Variants in ADAMTS17 observed in about 807,000 individuals in gnomAD.
ADAMTS17 encodes ADAM metallopeptidase with thrombospondin type 1 motif 17.
A neutral mutation model predicts 141.5 loss-of-function variants in ADAMTS17; 113 were observed. The ratio of observed to expected loss-of-function variants is 0.80; its 90% CI spans 0.69 to 0.93. The LOEUF (loss-of-function observed/expected upper bound fraction) is 0.93. Ranked by LOEUF, ADAMTS17 falls within the 40% of genes least tolerant of loss-of-function variation. The probability of loss-of-function intolerance (pLI) is 0.00; values close to 1 mark genes in which losing one functional copy is unlikely to be tolerated. For missense variants in ADAMTS17, 1,659 were observed against 1,517.9 expected (o/e 1.09, Z -1.54); for synonymous variants, 768 against 630.6 (o/e 1.22, Z -3.27).
chr15:100,190,607 C>T (rs2040880168), intron 8 of ADAMTS17, among the ~76,000 whole-genome samples: 2 of 152,184 alleles, frequency 1.3e-5, no homozygotes, highest in South Asian at 2.1e-4. Context: ...GGAGGAACCC[C>T]AAGAGGGGCA....
chr15:100,121,022 GAAGTT>G (rs2037424946), intron 12 of ADAMTS17, among the ~76,000 whole-genome samples: 1 of 152,160 alleles, frequency 6.6e-6, no homozygotes, highest in Non-Finnish European at 1.5e-5. Flanking sequence ...TAAAGATATG[GAAGTT>G]AAGAAAACAA....
intron 8 of ADAMTS17, among the ~76,000 whole-genome samples, chr15:100,162,364 T>C (rs1466842454): frequency 1.4e-5 from 2 of 147,966 alleles, no homozygotes; most frequent in East Asian, 3.9e-4. Context: ...TATAACTATA[T>C]AGTTATATAT....
At chr15:100,128,236 C>G (rs913756471) in intron 12 of ADAMTS17, 5 of 152,148 alleles carry the variant, frequency 3.3e-5, no homozygotes, top group African/African-American at 1.2e-4. Flanking sequence ...TGTGGGTAGG[C>G]AGGGATTTTA....
At chr15:100,192,807 T>C (rs1212759880) in intron 8 of ADAMTS17, among the ~76,000 whole-genome samples, 1 of 152,244 alleles carries the variant, frequency 6.6e-6, no homozygotes, top group Non-Finnish European at 1.5e-5. Flanking sequence ...TTTCTTTTCA[T>C]TTGAACCATG....
intron 20 of ADAMTS17, among the ~76,000 whole-genome samples, chr15:99,992,679 G>C (rs1159849666): frequency 1.3e-5 from 2 of 152,156 alleles, no homozygotes; most frequent in Non-Finnish European, 2.9e-5. Context: ...GAATGGAAGT[G>C]ATGTTTGCCC....
At position 99,974,304 on chromosome 15, in the gene ADAMTS17, G is replaced by A. The variant is rs2060272876; in HGVS notation, c.*98C>T. 1 of 1,516,684 alleles carries A rather than the reference G, an allele frequency of 6.6e-7. No individual in the cohort carries two copies. The highest frequency in any genetic ancestry group is 1.4e-5 in the African/African-American group (1 of 73,096). 94.0% of individuals were successfully genotyped at this position (1,516,684 alleles called of 1,614,324 possible). A position where few individuals can be genotyped will look rare whatever the true frequency, so the allele number is the denominator to read the frequency against. On this transcript the variant is annotated 3_prime_UTR_variant, in exon 22 of 22. Transcript: ENST00000268070. ...ATGTTCTATGTAGTTGGATTCTTGT[G>A]GCAGCCGGGTGGGGGCGTGGCCACA...
At chr15:100,196,063 A>C (rs1349486995) in intron 8 of ADAMTS17, among the ~76,000 whole-genome samples, 1 of 152,238 alleles carries the variant, frequency 6.6e-6, no homozygotes, top group Non-Finnish European at 1.5e-5. Flanking sequence ...AATAAACAAG[A>C]GCTCTGACCT....
Position 100,013,596 on chromosome 15 carries a change from G to A in ADAMTS17, c.2592-16007C>T, listed in dbSNP as rs146298322. 1.9e-3 allele frequency among the ~76,000 whole-genome samples: 286 copies of A among 152,268 alleles called. 2 individuals are homozygous for A. The highest frequency in any genetic ancestry group is 3.9e-3 in the African/African-American group (160 of 41,540). ...TTGCTGAAAGTTTTAATCATAAAGC[G>A]ATGCGGGATTTTGTCAAATGCTTTC... On this transcript the variant is annotated intron_variant, in intron 18 of 21. Coordinates refer to ENST00000268070, the MANE Select transcript of ADAMTS17 (RefSeq NM_139057.4).
intron 7 of ADAMTS17, among the ~76,000 whole-genome samples, chr15:100,226,067 G>C (rs538008574): frequency 6.9e-6 from 1 of 145,796 alleles, no homozygotes; most frequent in Non-Finnish European, 1.5e-5. Flanking sequence ...CAGCAGTCAC[G>C]GTCTCTGTGC....
At chr15:100,180,821 T>C (rs1255335866) in intron 8 of ADAMTS17, among the ~76,000 whole-genome samples, 1 of 152,198 alleles carries the variant, frequency 6.6e-6, no homozygotes, top group Non-Finnish European at 1.5e-5. Flanking sequence ...ACTACCTAGA[T>C]ACTGCCTATG....
intron 3 of ADAMTS17, among the ~76,000 whole-genome samples, chr15:100,317,649 G>T (rs1442742850): frequency 6.6e-6 from 1 of 151,820 alleles, no homozygotes; most frequent in Non-Finnish European, 1.5e-5. Context: ...TGAGCATTTT[G>T]GGGGGGACAA....
At chr15:99,992,129 T>C (rs2141325026) in intron 20 of ADAMTS17, among the ~76,000 whole-genome samples, 2 of 152,114 alleles carry the variant, frequency 1.3e-5, no homozygotes, top group East Asian at 3.9e-4. Context: ...CCATGACACA[T>C]GTATACCTGT....
chr15:100,310,716 C>A (rs1049216269), intron 3 of ADAMTS17, among the ~76,000 whole-genome samples: 4 of 152,194 alleles, frequency 2.6e-5, no homozygotes, highest in Admixed American at 2.6e-4. Flanking sequence ...TGGGTGGGAA[C>A]ACTCCCGGCT....
intron 14 of ADAMTS17, among the ~76,000 whole-genome samples, chr15:100,099,865 TGAG>T (rs1365871656): frequency 9.9e-5 from 15 of 152,184 alleles, no homozygotes; most frequent in Non-Finnish European, 2.1e-4. Context: ...ATCCGTGTGC[TGAG>T]GAGGGCACAG....
intron 12 of ADAMTS17, among the ~76,000 whole-genome samples, chr15:100,127,675 G>A (rs543447920): frequency 8.5e-5 from 13 of 152,288 alleles, no homozygotes; most frequent in African/African-American, 2.9e-4. Context: ...TGCACCTCCC[G>A]GGTACAAGCG....
chr15:100,079,111 G>A (rs2034567401), intron 15 of ADAMTS17, among the ~76,000 whole-genome samples: 2 of 152,206 alleles, frequency 1.3e-5, no homozygotes, highest in South Asian at 2.1e-4. Flanking sequence ...TACCAGAAAC[G>A]TAAAGTGGTG....
chr15:100,176,337 C>T (rs2141497921), intron 8 of ADAMTS17, among the ~76,000 whole-genome samples: 1 of 152,232 alleles, frequency 6.6e-6, no homozygotes, highest in Admixed American at 6.5e-5. Context: ...CACAGGTTCT[C>T]AAACTAGGCT....
chr15:100,046,438 T>G (rs1471479122), intron 18 of ADAMTS17, among the ~76,000 whole-genome samples: 1 of 152,178 alleles, frequency 6.6e-6, no homozygotes, highest in African/African-American at 2.4e-5. Context: ...TTCATCTGTT[T>G]CATTTTACTG....
chr15:100,335,155 G>T (rs189077664), intron 2 of ADAMTS17, among the ~76,000 whole-genome samples: 2 of 152,200 alleles, frequency 1.3e-5, no homozygotes, highest in Admixed American at 6.5e-5. Context: ...TCCTGGATGG[G>T]GCCCAGCAGT....
Sources: gnomAD v4.1 joint callset for allele counts (sites outside exome capture counted in the v4.1 genomes callset) on GRCh38, gnomAD v4.1.1 for gene constraint, MANE v1.5 for transcripts, NCBI Gene and HGNC (gene_info 2026-07-23, HGNC 2026-07-21) for gene names.